Variants in DOCK9 observed in about 807,000 individuals in gnomAD.
DOCK9 encodes the protein dedicator of cytokinesis protein 9.
A neutral mutation model predicts 263.3 loss-of-function variants in DOCK9; 89 were observed. The ratio of observed to expected loss-of-function variants is 0.34; its 90% CI spans 0.28 to 0.40. The LOEUF (loss-of-function observed/expected upper bound fraction) is 0.40, where lower values mean the gene tolerates loss of function less well. Among genes scored for constraint, DOCK9 ranks in the 10% least tolerant of loss-of-function variants. The pLI, the probability that DOCK9 is intolerant of heterozygous loss-of-function variation, is 1.00. For synonymous variants in DOCK9, 976 were observed against 973.1 expected (o/e 1.00, Z -0.06); for missense variants, 2,140 against 2,603.4 (o/e 0.82, Z 3.87).
At chr13:98,824,348 G>C in intron 45 of DOCK9, 50 bp downstream of exon 45, 1 of 1,546,698 alleles carries the variant, frequency 6.5e-7, no homozygotes, top group Non-Finnish European at 8.9e-7. Flanking sequence ...CAAACAGCAG[G>C]CTCCCAGATA....
At chr13:98,953,135 C>A (rs966377993) in intron 2 of DOCK9, among the ~76,000 whole-genome samples, 1 of 152,118 alleles carries the variant, frequency 6.6e-6, no homozygotes, top group African/African-American at 2.4e-5. Flanking sequence ...CATGGCTTTA[C>A]CTGATAAGAA....
intron 34 of DOCK9, among the ~76,000 whole-genome samples, chr13:98,855,127 G>A (rs1392104202): frequency 6.6e-6 from 1 of 152,202 alleles, no homozygotes; most frequent in East Asian, 1.9e-4. Flanking sequence ...AGTATGAGGA[G>A]GAAGTGTTGT....
chr13:99,081,682 C>T (rs1184269270), intron 1 of DOCK9, among the ~76,000 whole-genome samples: 2 of 152,160 alleles, frequency 1.3e-5, no homozygotes. Context: ...ATTATGATGC[C>T]ATCTTTAATA....
chr13:98,929,521 G>A (rs1271935526), intron 3 of DOCK9, among the ~76,000 whole-genome samples: 5 of 152,076 alleles, frequency 3.3e-5, no homozygotes, highest in Non-Finnish European at 5.9e-5. Flanking sequence ...CTCTAGCTTA[G>A]ACAACAGAGC....
At chr13:99,070,489 T>C (rs2041621430) in intron 1 of DOCK9, among the ~76,000 whole-genome samples, 1 of 152,266 alleles carries the variant, frequency 6.6e-6, no homozygotes, top group African/African-American at 2.4e-5. Context: ...TCCTGTGTTA[T>C]AAATTCTCCG....
At chr13:99,080,508 T>C (rs2042084069) in intron 1 of DOCK9, among the ~76,000 whole-genome samples, 1 of 152,232 alleles carries the variant, frequency 6.6e-6, no homozygotes, top group South Asian at 2.1e-4. Context: ...TTCCCAAAGT[T>C]GGCAACTGTA....
intron 1 of DOCK9, among the ~76,000 whole-genome samples, chr13:99,084,491 G>C (rs1251076247): frequency 6.6e-6 from 1 of 152,170 alleles, no homozygotes; most frequent in Non-Finnish European, 1.5e-5. Flanking sequence ...CAGGGAAAAC[G>C]GATGTACTAC....
At chr13:99,019,072 G>C (rs1210973548) in intron 1 of DOCK9, among the ~76,000 whole-genome samples, 1 of 152,126 alleles carries the variant, frequency 6.6e-6, no homozygotes, top group East Asian at 1.9e-4. Flanking sequence ...ACAAAGTACT[G>C]ATGCATGCCA....
intron 1 of DOCK9, among the ~76,000 whole-genome samples, chr13:99,016,733 T>C (rs538654780): frequency 1.3e-5 from 2 of 152,336 alleles, no homozygotes; most frequent in South Asian, 2.1e-4. Flanking sequence ...AAAAAGACCA[T>C]GCTGCACATA....
intron 2 of DOCK9, among the ~76,000 whole-genome samples, chr13:98,955,191 G>A (rs998326686): frequency 5.3e-5 from 8 of 152,088 alleles, no homozygotes; most frequent in Non-Finnish European, 8.8e-5. Context: ...GGTGGCACAC[G>A]CCTGTAATCC....
chr13:98,915,647 C>CA lies in DOCK9; in HGVS notation c.718-145_718-144insT. On this transcript the variant is annotated intron_variant, in intron 7 of 52. Transcript: ENST00000682017. The stretch of plus-strand genomic sequence containing the variant: ...ATAGCTTGCCCCCTCCTCATGAAAG[C>CA]CCCCCCCCATGAAATCCCATTACCG... 4.9e-6 allele frequency: 3 copies of CA among 610,508 alleles called. 1 individual carries two copies. Among genetic ancestry groups the CA allele is most frequent in the South Asian group, 5.0e-5 (2 of 40,084 alleles). The allele number at this position is 610,508 out of a possible 1,614,324, so 37.8% of individuals were successfully genotyped here.
intron 38 of DOCK9, among the ~76,000 whole-genome samples, chr13:98,839,026 G>A (rs1488335882): frequency 1.3e-5 from 2 of 152,206 alleles, no homozygotes; most frequent in Non-Finnish European, 2.9e-5. Flanking sequence ...GAATTATAGA[G>A]TGGTTTTTAA....
upstream of DOCK9, among the ~76,000 whole-genome samples, chr13:99,087,371 T>C (rs1312124900): frequency 6.6e-6 from 1 of 152,172 alleles, no homozygotes; most frequent in East Asian, 1.9e-4. Context: ...ATGTCGCCTG[T>C]AACCTGAGGA....
In DOCK9 at chr13:99,066,644, G is replaced by A. The variant is rs774236407; in HGVS notation, c.129+19579C>T. On this transcript the variant is annotated intron_variant, in intron 1 of 32. Coordinates refer to the DOCK9 transcript ENST00000427887. ...TTGGGGATCTTTGCACCTATGGAGC[G>A]TATTCTAAATTCCAAGAGAAATAAA... is the stretch of plus-strand genomic sequence containing the variant. 9.9e-5 allele frequency among the ~76,000 whole-genome samples: 15 copies of A among 152,196 alleles called. No individual in the cohort carries two copies. In the South Asian group the frequency reaches 1.0e-3, roughly 11 times the overall value.
intron 30 of DOCK9, 63 bp downstream of exon 30, chr13:98,867,361 CT>C: frequency 1.1e-6 from 1 of 933,260 alleles, no homozygotes; most frequent in Non-Finnish European, 1.7e-6. Flanking sequence ...AATCAATTAT[CT>C]TTTCTTATTG....
At chr13:98,927,362 C>T (rs913367736) in intron 3 of DOCK9, among the ~76,000 whole-genome samples, 8 of 152,140 alleles carry the variant, frequency 5.3e-5, no homozygotes, top group Non-Finnish European at 8.8e-5. Context: ...CCCACTACTG[C>T]CCCTAGGTCC....
intron 1 of DOCK9, among the ~76,000 whole-genome samples, chr13:99,010,278 G>A (rs927757520): frequency 1.3e-5 from 2 of 152,190 alleles, no homozygotes; most frequent in Non-Finnish European, 2.9e-5. Flanking sequence ...GCTACTTGAC[G>A]TGGAATATGA....
chr13:98,843,566 C>T (rs1470297481), intron 38 of DOCK9, among the ~76,000 whole-genome samples: 1 of 152,116 alleles, frequency 6.6e-6, no homozygotes, highest in African/African-American at 2.4e-5. Context: ...AGAACCAATT[C>T]GGAATGAGCA....
At chr13:99,044,872 C>T (rs1888803390) in intron 1 of DOCK9, among the ~76,000 whole-genome samples, 2 of 152,148 alleles carry the variant, frequency 1.3e-5, no homozygotes, top group South Asian at 4.1e-4. Flanking sequence ...CCTTCCTACC[C>T]GTGTTTCTCA....
Sources: allele counts gnomAD v4.1 joint callset (sites outside exome capture counted in the v4.1 genomes callset), GRCh38; gene constraint gnomAD v4.1.1; transcripts MANE v1.5; gene names NCBI Gene and HGNC (gene_info 2026-07-23, HGNC 2026-07-21).